PC: variants seen among roughly 807,000 people sequenced by gnomAD.
The protein encoded by PC is pyruvate carboxylase, mitochondrial.
Under a neutral mutation model 107.8 loss-of-function variants are expected in PC, and 46 were observed. That is an observed-to-expected ratio of 0.43 (90% CI 0.34 to 0.55). The LOEUF is 0.55. PC is among the 20% of genes least tolerant of loss of function. PC has a pLI of 0.04. For missense variants in PC, 1,241 were observed against 1,643.1 expected (o/e 0.76, Z 4.23); for synonymous variants, 662 against 684.7 (o/e 0.97, Z 0.52).
intron 12 of PC, chr11:66,860,347 G>C (rs770275940): frequency 5.4e-5 from 64 of 1,179,276 alleles, no homozygotes; most frequent in Non-Finnish European, 7.3e-5. Context: ...CCCTTTCCTC[G>C]GTTCTGGCCT....
chr11:66,943,695 G>A (rs755634447), intron 3 of PC, among the ~76,000 whole-genome samples: 11 of 130,080 alleles, frequency 8.5e-5, no homozygotes, highest in Admixed American at 3.4e-4. Flanking sequence ...AGCGGAGCTT[G>A]TGGTGAGCAG....
intron 3 of PC, among the ~76,000 whole-genome samples, chr11:66,946,740 G>A (rs998770972): frequency 4.6e-5 from 7 of 152,112 alleles, no homozygotes; most frequent in African/African-American, 1.4e-4. Context: ...AGTGAGCCAC[G>A]ATCGCATCAG....
chr11:66,949,419 G>A (rs1337833964), intron 3 of PC, among the ~76,000 whole-genome samples: 2 of 152,096 alleles, frequency 1.3e-5, no homozygotes, highest in East Asian at 1.9e-4. Flanking sequence ...CCCTAAGGCC[G>A]GGGCGGCGGC....
chr11:66,934,634 TTTTG>T (rs1948948956), intron 3 of PC: 1 of 152,514 alleles, frequency 6.6e-6, no homozygotes, highest in Admixed American at 6.5e-5. Context: ...CCTATGTGTG[TTTTG>T]TTTTTGTTTT....
chr11:66,915,098 G>A (rs1948434211), intron 3 of PC, among the ~76,000 whole-genome samples: 1 of 150,724 alleles, frequency 6.6e-6, no homozygotes, highest in Admixed American at 6.6e-5. Context: ...AATGGGGAGG[G>A]CTCACAAGGC....
chr11:66,953,437 C>T (rs1318955278), intron 2 of PC, among the ~76,000 whole-genome samples: 6 of 152,194 alleles, frequency 3.9e-5, no homozygotes, highest in Admixed American at 3.9e-4. Flanking sequence ...TAAGAGCCCA[C>T]CTCGTGTTTA....
At chr11:66,896,565 G>A (rs540471689) in intron 3 of PC, among the ~76,000 whole-genome samples, 14 of 152,356 alleles carry the variant, frequency 9.2e-5, no homozygotes, top group Middle Eastern at 3.4e-3. Flanking sequence ...GAGAGGGCAC[G>A]CCAAGGGAGC....
intron 3 of PC, among the ~76,000 whole-genome samples, chr11:66,937,696 T>C (rs924754531): frequency 5.3e-5 from 8 of 152,122 alleles, no homozygotes; most frequent in African/African-American, 1.9e-4. Context: ...TTTTTCTGCC[T>C]GCTCAAATCT....
At chr11:66,851,643 G>A (rs916151096) in intron 16 of PC, 147 bp downstream of exon 16, 12 of 870,456 alleles carry the variant, frequency 1.4e-5, no homozygotes, top group Middle Eastern at 2.2e-4. Flanking sequence ...TACACTTCTC[G>A]ATATTTCCAA....
intron 11 of PC, among the ~76,000 whole-genome samples, chr11:66,864,949 A>T (rs1946428691): frequency 6.6e-6 from 1 of 152,230 alleles, no homozygotes; most frequent in African/African-American, 2.4e-5. Context: ...TGTGTTCAAT[A>T]AAAAGGAACT....
intron 12 of PC, among the ~76,000 whole-genome samples, chr11:66,861,274 G>C (rs1010728819): frequency 6.6e-6 from 1 of 152,222 alleles, no homozygotes; most frequent in African/African-American, 2.4e-5. Flanking sequence ...GGCACTGGCT[G>C]GGGGGCATGG....
intron 3 of PC, among the ~76,000 whole-genome samples, chr11:66,920,873 A>G (rs1374923229): frequency 2.0e-5 from 3 of 152,152 alleles, no homozygotes; most frequent in Non-Finnish European, 4.4e-5. Flanking sequence ...CCCCGTCTCT[A>G]TTAAAAATAC....
At chr11:66,941,665 G>T (rs961033029) in intron 3 of PC, among the ~76,000 whole-genome samples, 1 of 151,984 alleles carries the variant, frequency 6.6e-6, no homozygotes, top group Non-Finnish European at 1.5e-5. Flanking sequence ...CTAATTTTTT[G>T]TATTTTTTAG....
intron 3 of PC, among the ~76,000 whole-genome samples, chr11:66,901,859 T>C (rs1181002295): frequency 6.6e-6 from 1 of 152,204 alleles, no homozygotes; most frequent in Non-Finnish European, 1.5e-5. Flanking sequence ...ACTTCCCTTG[T>C]TGGGTGTCTG....
intron 3 of PC, among the ~76,000 whole-genome samples, chr11:66,888,138 G>A (rs1947440847): frequency 6.6e-6 from 1 of 152,182 alleles, no homozygotes; most frequent in Non-Finnish European, 1.5e-5. Context: ...TCCTTCTAAG[G>A]TAACAACTAG....
At chr11:66,906,498 C>A (rs1438290714) in intron 3 of PC, among the ~76,000 whole-genome samples, 4 of 152,178 alleles carry the variant, frequency 2.6e-5, no homozygotes, top group African/African-American at 4.8e-5. Context: ...CCACCCCTGG[C>A]CTAGAACTCC....
chr11:66,872,319 A>C (rs1946769979), intron 3 of PC, among the ~76,000 whole-genome samples, 160 bp from the exon 4 acceptor site: 1 of 152,100 alleles, frequency 6.6e-6, no homozygotes, highest in Non-Finnish European at 1.5e-5. Flanking sequence ...GCTCTAGAGA[A>C]GGGAGCAAAT....
rs371879809 is a variant in PC, at chr11:66,849,596, G to A, written c.3147+15C>T. 8.7e-5 allele frequency: 140 copies of A among 1,614,038 alleles called. 1 individual carries two copies. The Middle Eastern group carries it at 4.0e-3, about 46-fold the overall frequency. On this transcript the variant is annotated intron_variant, in intron 21 of 22. Transcript: ENST00000393960. ...GGGCCAGGGTGGAGTGTGGAGAAGC[G>A]CCAGAGCCACTGACCTCAAACTCCT...
chr11:66,927,993 G>T (rs1948759699), intron 3 of PC, among the ~76,000 whole-genome samples: 1 of 152,188 alleles, frequency 6.6e-6, no homozygotes, highest in South Asian at 2.1e-4. Flanking sequence ...ACATCTGCTT[G>T]TTGGTTTCGG....
Sources: allele counts gnomAD v4.1 joint callset (sites outside exome capture counted in the v4.1 genomes callset), GRCh38; gene constraint gnomAD v4.1.1; transcripts MANE v1.5; gene names NCBI Gene and HGNC (gene_info 2026-07-23, HGNC 2026-07-21).